The following ZC3H3 variants were observed in gnomAD, a reference collection of about 807,000 sequenced individuals.
ZC3H3 encodes zinc finger CCCH domain-containing protein 3.
ZC3H3 carries 36 observed loss-of-function variants against 77.3 expected under a neutral mutation model. The observed-to-expected ratio is 0.47, with a 90% confidence interval of 0.36 to 0.61. The LOEUF (loss-of-function observed/expected upper bound fraction) is 0.61. Among genes scored for constraint, ZC3H3 ranks in the 20% least tolerant of loss-of-function variants. The pLI is 0.00. For missense variants in ZC3H3, 1,331 were observed against 1,312.2 expected, an observed-to-expected ratio of 1.01 and a Z score of -0.22; for synonymous variants, 626 against 555.2, an observed-to-expected ratio of 1.13 and a Z score of -1.79.
At chr8:143,454,989 T>C (rs1820077186) in intron 9 of ZC3H3, among the ~76,000 whole-genome samples, 1 of 151,924 alleles carries the variant, frequency 6.6e-6, no homozygotes, top group Non-Finnish European at 1.5e-5. Context: ...AATGCTTCCT[T>C]TAGGTAAAAA....
chr8:143,442,948 G>A, intron 9 of ZC3H3, among the ~76,000 whole-genome samples: 1 of 152,152 alleles, frequency 6.6e-6, no homozygotes, highest in Middle Eastern at 3.2e-3. Context: ...GAACCCTCCT[G>A]CAGAACACAA....
At chr8:143,539,708 G>C (rs1187918924) in intron 1 of ZC3H3, among the ~76,000 whole-genome samples, 1 of 152,324 alleles carries the variant, frequency 6.6e-6, no homozygotes, top group South Asian at 2.1e-4. Context: ...GGGACAAGTG[G>C]CCGCACAGGC....
chr8:143,470,816 G>A (rs1820542580), intron 5 of ZC3H3, among the ~76,000 whole-genome samples: 1 of 152,214 alleles, frequency 6.6e-6, no homozygotes, highest in African/African-American at 2.4e-5. Flanking sequence ...TAAAATAGCT[G>A]GCTGGAAAAG....
intron 6 of ZC3H3, 24 bp downstream of exon 6, chr8:143,468,593 C>A (rs1265890431): frequency 2.7e-5 from 42 of 1,578,502 alleles, no homozygotes; most frequent in Non-Finnish European, 2.9e-5. Flanking sequence ...GGAGCCCACC[C>A]ACTGCCCAGC....
At chr8:143,504,246 C>A (rs549959465) in intron 4 of ZC3H3, among the ~76,000 whole-genome samples, 6 of 152,282 alleles carry the variant, frequency 3.9e-5, no homozygotes, top group Admixed American at 1.3e-4. Context: ...GGGCTCATGG[C>A]CAGGAGAGGG....
intron 9 of ZC3H3, among the ~76,000 whole-genome samples, chr8:143,447,333 C>T (rs1054214820): frequency 2.0e-5 from 3 of 152,226 alleles, no homozygotes; most frequent in African/African-American, 7.2e-5. Context: ...CCACCAGCCA[C>T]CTTGGAGGAC....
intron 4 of ZC3H3, among the ~76,000 whole-genome samples, chr8:143,492,323 C>A (rs1462307419): frequency 2.0e-5 from 3 of 152,022 alleles, no homozygotes; most frequent in Non-Finnish European, 4.4e-5. Flanking sequence ...GGGGGGGATC[C>A]GGTGGCGGCC....
chr8:143,485,062 C>T (rs1821014756), intron 4 of ZC3H3: 1 of 268,442 alleles, frequency 3.7e-6, no homozygotes, highest in South Asian at 3.2e-5. Flanking sequence ...CAGTGGCAAA[C>T]ACCAGTTGGA....
chr8:143,467,132 G>A (rs950266357), intron 8 of ZC3H3, among the ~76,000 whole-genome samples: 2 of 152,148 alleles, frequency 1.3e-5, no homozygotes, highest in African/African-American at 4.8e-5. Context: ...TGGGGCTGGC[G>A]GTGGTGGGCT....
At chr8:143,507,632 G>C (rs1331916186) in intron 4 of ZC3H3, 114 bp downstream of exon 4, 11 of 1,292,046 alleles carry the variant, frequency 8.5e-6, no homozygotes, top group Non-Finnish European at 1.0e-5. Context: ...ACACCAAGCA[G>C]TTCTGGGATG....
In ZC3H3 at chr8:143,493,792, G is replaced by A. The variant is rs781087083; in HGVS notation, c.1715+13954C>T. Among the ~76,000 whole-genome samples the A allele has an allele frequency of 2.0e-5, 3 of 152,152 alleles. No homozygotes were observed. The highest frequency in any genetic ancestry group is 2.9e-5 in the Non-Finnish European group (2 of 68,042). On this transcript the variant is annotated intron_variant, in intron 4 of 11. Coordinates refer to ENST00000262577, the MANE Select transcript of ZC3H3 (RefSeq NM_015117.3). This position sits in a 1 kb window ranked among gnomAD's most constrained non-coding sequence, Gnocchi z 4.8. The stretch of plus-strand genomic sequence containing the variant: ...TCCTTAATGAGCAGCCGAAGGGATC[G>A]GTAAGCATAATTTCAGAGGCCAGTA...
chr8:143,451,763 G>A (rs1475207111), intron 9 of ZC3H3, among the ~76,000 whole-genome samples: 2 of 148,332 alleles, frequency 1.3e-5, no homozygotes, highest in African/African-American at 2.5e-5. Flanking sequence ...CAGCCTGGGT[G>A]ACAAAGTGAG....
At chr8:143,526,924 G>A (rs939807024) in intron 3 of ZC3H3, among the ~76,000 whole-genome samples, 2 of 152,182 alleles carry the variant, frequency 1.3e-5, no homozygotes, top group African/African-American at 4.8e-5. Flanking sequence ...ACCGCCAGGA[G>A]GCAAGCAGGA....
chr8:143,533,750 G>C lies in ZC3H3; in HGVS notation c.1561+2507C>G, dbSNP rs918050398. On this transcript the variant is annotated intron_variant, in intron 3 of 11. Coordinates refer to ENST00000262577, the MANE Select transcript of ZC3H3 (RefSeq NM_015117.3). This position sits in a 1 kb window ranked among gnomAD's most constrained non-coding sequence, Gnocchi z 4.0. ...CGCCCAGGCTGGAGTACAATGGCAC[G>C]ATCTAACCTCTGCCTCCTGGGTTCA... 6.7e-6 allele frequency among the ~76,000 whole-genome samples: 1 copy of C among 148,340 alleles called. No individual in the cohort carries two copies. The highest frequency in any genetic ancestry group is 6.8e-5 in the Admixed American group (1 of 14,682).
chr8:143,478,095 G>C (rs1322822556), intron 4 of ZC3H3, among the ~76,000 whole-genome samples: 1 of 152,204 alleles, frequency 6.6e-6, no homozygotes, highest in Non-Finnish European at 1.5e-5. Flanking sequence ...AAAGCAGGAA[G>C]GACGAGCAGG....
At chr8:143,466,890 A>T (rs1464821136) in intron 8 of ZC3H3, among the ~76,000 whole-genome samples, 1 of 151,960 alleles carries the variant, frequency 6.6e-6, no homozygotes, top group East Asian at 1.9e-4. Context: ...GCCCTGGGGG[A>T]TCTGGGCAGA....
intron 9 of ZC3H3, among the ~76,000 whole-genome samples, chr8:143,446,294 G>A (rs550653794): frequency 1.3e-5 from 2 of 152,320 alleles, no homozygotes; most frequent in African/African-American, 4.8e-5. Context: ...GGTGCAAAAT[G>A]TAAAGAAAAC....
At chr8:143,461,709 A>T (rs921825501) in intron 9 of ZC3H3, among the ~76,000 whole-genome samples, 6 of 152,216 alleles carry the variant, frequency 3.9e-5, no homozygotes, top group Admixed American at 3.3e-4. Flanking sequence ...AACATGATGC[A>T]AAATCAAAGA....
At chr8:143,468,165 C>T (rs752403654) in intron 8 of ZC3H3, 44 bp downstream of exon 8, 14 of 1,586,552 alleles carry the variant, frequency 8.8e-6, no homozygotes, top group Middle Eastern at 1.9e-4. Flanking sequence ...GCTGAGGCCC[C>T]GGAGAAAGGT....
Sources: allele counts gnomAD v4.1 joint callset (sites outside exome capture counted in the v4.1 genomes callset), GRCh38; gene constraint gnomAD v4.1.1; non-coding constraint Gnocchi (gnomAD v3.1); transcripts MANE v1.5; gene names NCBI Gene and HGNC (gene_info 2026-07-23, HGNC 2026-07-21).